The following MRAP2 variants were observed in gnomAD, a reference collection of about 807,000 sequenced individuals.
MRAP2 encodes melanocortin 2 receptor accessory protein 2, also known as melanocortin-2 receptor accessory protein 2.
MRAP2 carries 20 observed loss-of-function variants against 17.4 expected under a neutral mutation model. That is an observed-to-expected ratio of 1.15 (90% CI 0.81 to 1.67). The LOEUF is 1.67. Ranked by LOEUF, MRAP2 falls within the 40% of genes most tolerant of loss-of-function variation. The probability of loss-of-function intolerance (pLI) is 0.00; values close to 1 mark genes in which losing one functional copy is unlikely to be tolerated. For synonymous variants in MRAP2, 96 were observed against 88.4 expected (o/e 1.09, Z -0.48); for missense variants, 238 against 240.0 (o/e 0.99, Z 0.05).
At chr6:84,085,259 TTGGCCAGGA>T (rs2099500122) in intron 3 of MRAP2, among the ~76,000 whole-genome samples, 1 of 152,144 alleles carries the variant, frequency 6.6e-6, no homozygotes, top group South Asian at 2.1e-4. Flanking sequence ...TTTCACCGTG[TTGGCCAGGA>T]TGGTCTCGAT....
At chr6:84,140,115 A>G in the MRAP2 span, among the ~76,000 whole-genome samples, 8,798 of 152,234 alleles carry the variant, frequency 0.058, 827 homozygotes, top group African/African-American at 0.2. Flanking sequence ...GGGCACAAGC[A>G]TTGGCTTGTG....
chr6:84,134,750 T>C, the MRAP2 span, among the ~76,000 whole-genome samples: 1 of 152,162 alleles, frequency 6.6e-6, no homozygotes, highest in Non-Finnish European at 1.5e-5. Context: ...TCCTTCTGTG[T>C]TGATCTCACT....
downstream of MRAP2, among the ~76,000 whole-genome samples, chr6:84,094,930 T>G (rs1327618891): frequency 6.6e-6 from 1 of 152,214 alleles, no homozygotes; most frequent in African/African-American, 2.4e-5. Context: ...TCCATATTCC[T>G]ACTAACAGGC....
At chr6:84,057,628 T>C (rs962314329) in intron 2 of MRAP2, among the ~76,000 whole-genome samples, 2 of 152,228 alleles carry the variant, frequency 1.3e-5, no homozygotes, top group Admixed American at 6.5e-5. Context: ...TATTCATTCA[T>C]TCAATATATA....
In MRAP2 at chr6:84,036,368, T is replaced by C. The variant is rs117569848; in HGVS notation, c.-8+2485T>C. On this transcript the variant is annotated intron_variant, in intron 1 of 3. Coordinates refer to ENST00000257776, the MANE Select transcript of MRAP2 (RefSeq NM_138409.4). ...CTTCATCCCAAAGCTAGTGATGGTGTATCTGAAATTGGTGGGTTCTTGGTC... is the reference window on the plus strand; with the variant it reads ...CTTCATCCCAAAGCTAGTGATGGTGCATCTGAAATTGGTGGGTTCTTGGTC... 5.3e-3 allele frequency among the ~76,000 whole-genome samples: 802 copies of C among 152,290 alleles called. 7 individuals are homozygous for C. The highest frequency in any genetic ancestry group is 8.6e-3 in the Non-Finnish European group (584 of 68,002).
At chr6:84,062,244 C>A in intron 2 of MRAP2, 1 of 358,278 alleles carries the variant, frequency 2.8e-6, no homozygotes, top group Non-Finnish European at 3.9e-6. Context: ...AACAATAGCT[C>A]AGTCTCAGCT....
At chr6:84,043,976 G>A (rs1369813871) in intron 1 of MRAP2, among the ~76,000 whole-genome samples, 1 of 152,038 alleles carries the variant, frequency 6.6e-6, no homozygotes, top group African/African-American at 2.4e-5. Context: ...TTTTGTAAAT[G>A]TTTTCTTTTC....
At chr6:84,141,694 G>T in the MRAP2 span, among the ~76,000 whole-genome samples, 4 of 152,150 alleles carry the variant, frequency 2.6e-5, no homozygotes, top group African/African-American at 9.7e-5. Flanking sequence ...TAGGTTACTT[G>T]TGTAAATACT....
chr6:84,049,356 C>T (rs1376337425), intron 1 of MRAP2, among the ~76,000 whole-genome samples: 2 of 151,956 alleles, frequency 1.3e-5, no homozygotes, highest in Non-Finnish European at 1.5e-5. Context: ...ACCCAGGAGG[C>T]GGAGGTTGCA....
intron 1 of MRAP2, among the ~76,000 whole-genome samples, chr6:84,051,431 C>A (rs182226528): frequency 6.6e-6 from 1 of 152,324 alleles, no homozygotes; most frequent in African/African-American, 2.4e-5. Context: ...GTGGCATGTG[C>A]CTGGAGTCCC....
At chr6:84,140,077 A>ACTGGTCT in the MRAP2 span, among the ~76,000 whole-genome samples, 1 of 149,960 alleles carries the variant, frequency 6.7e-6, no homozygotes, top group Non-Finnish European at 1.5e-5. Flanking sequence ...CACTGAGAAC[A>ACTGGTCT]CTGGTCTCTG....
At chr6:84,135,487 TCTTA>T in the MRAP2 span, among the ~76,000 whole-genome samples, 1 of 149,984 alleles carries the variant, frequency 6.7e-6, no homozygotes, top group African/African-American at 2.5e-5. Flanking sequence ...GTCTTTGTTC[TCTTA>T]CTTGTTGGTG....
intron 3 of MRAP2, among the ~76,000 whole-genome samples, chr6:84,064,278 G>A (rs2099493953): frequency 6.6e-6 from 1 of 151,626 alleles, no homozygotes; most frequent in Non-Finnish European, 1.5e-5. Flanking sequence ...ACCTCTCAGG[G>A]AAGGAGCCTC....
the MRAP2 span, among the ~76,000 whole-genome samples, chr6:84,133,611 G>A: frequency 5.3e-5 from 8 of 152,130 alleles, no homozygotes; most frequent in Non-Finnish European, 7.3e-5. Context: ...GTTCAATCTC[G>A]GACTGCTGTG....
chr6:84,055,294 C>T lies in MRAP2; in HGVS notation c.-7-18C>T. The T allele has an allele frequency of 6.3e-7, 1 of 1,599,440 alleles. No homozygotes were observed. The highest frequency in any genetic ancestry group is 8.5e-7 in the Non-Finnish European group (1 of 1,176,420). ...ATGAATTAACAGGTTCTGCGCTTGACTTTCTCCATTTGTGCAGGTCGGAGA... is the reference window on the plus strand; with the variant it reads ...ATGAATTAACAGGTTCTGCGCTTGATTTTCTCCATTTGTGCAGGTCGGAGA... On this transcript the variant is annotated intron_variant, in intron 1 of 3. Transcript: ENST00000257776.
chr6:84,078,048 G>T (rs1283932662), intron 3 of MRAP2, among the ~76,000 whole-genome samples: 3 of 152,184 alleles, frequency 2.0e-5, no homozygotes, highest in Non-Finnish European at 4.4e-5. Flanking sequence ...ATGGTTAGAA[G>T]AAAGCATAGG....
At chr6:84,049,369 G>A (rs1318602091) in intron 1 of MRAP2, among the ~76,000 whole-genome samples, 2 of 152,026 alleles carry the variant, frequency 1.3e-5, no homozygotes, top group East Asian at 3.9e-4. Flanking sequence ...AGGTTGCAGT[G>A]AGCCAAGATT....
Position 84,053,571 on chromosome 6 carries a change from T to C in MRAP2, c.-7-1741T>C, listed in dbSNP as rs542875674. On this transcript the variant is annotated intron_variant, in intron 1 of 3. Coordinates refer to ENST00000257776, the MANE Select transcript of MRAP2 (RefSeq NM_138409.4). The stretch of plus-strand genomic sequence containing the variant: ...TCAATCAATTAACACTTGGTGCATT[T>C]GATAAGAATTGGCTGACCAGGGAGT... Among the ~76,000 whole-genome samples, 271 of 152,332 alleles carry C rather than the reference T, an allele frequency of 1.8e-3. 2 individuals carry two copies. Among genetic ancestry groups the C allele is most frequent in the African/African-American group, 6.3e-3 (262 of 41,578 alleles).
At chr6:84,077,823 G>T (rs115918045) in intron 3 of MRAP2, among the ~76,000 whole-genome samples, 28 of 152,224 alleles carry the variant, frequency 1.8e-4, no homozygotes, top group African/African-American at 6.7e-4. Context: ...AATATGGAGC[G>T]TGTCTTCAAA....
Sources: gnomAD v4.1 joint callset for allele counts (sites outside exome capture counted in the v4.1 genomes callset) on GRCh38, gnomAD v4.1.1 for gene constraint, MANE v1.5 for transcripts, NCBI Gene and HGNC (gene_info 2026-07-23, HGNC 2026-07-21) for gene names.